BMP2K: variants seen among roughly 807,000 people sequenced by gnomAD.
BMP2K encodes BMP-2-inducible protein kinase.
A neutral mutation model predicts 116.0 loss-of-function variants in BMP2K; 74 were observed. The ratio of observed to expected loss-of-function variants is 0.64; its 90% CI spans 0.53 to 0.77. BMP2K has a LOEUF of 0.77. BMP2K is among the 30% of genes least tolerant of loss of function. The pLI, the probability that BMP2K is intolerant of heterozygous loss-of-function variation, is 0.00. For synonymous variants in BMP2K, 486 were observed against 502.5 expected (o/e 0.97, Z 0.44); for missense variants, 1,365 against 1,403.6 (o/e 0.97, Z 0.44).
At chr4:78,779,708 ATAT>A (rs777299888) in intron 1 of BMP2K, among the ~76,000 whole-genome samples, 1 of 152,236 alleles carries the variant, frequency 6.6e-6, no homozygotes, top group Non-Finnish European at 1.5e-5. Context: ...GTATATGCAC[ATAT>A]TATGTCTATA....
At chr4:78,869,028 T>C (rs1358021036) in intron 10 of BMP2K, among the ~76,000 whole-genome samples, 1 of 152,226 alleles carries the variant, frequency 6.6e-6, no homozygotes, top group Non-Finnish European at 1.5e-5. Context: ...GTAGAGACTC[T>C]TTGTGGGGAC....
At chr4:78,903,081 AT>A (rs1734096807) in intron 15 of BMP2K, among the ~76,000 whole-genome samples, 1 of 151,882 alleles carries the variant, frequency 6.6e-6, no homozygotes, top group African/African-American at 2.4e-5. Flanking sequence ...GATGTCTGAA[AT>A]TTTCCCACCA....
chr4:78,840,042 A>G (rs1053714642), intron 3 of BMP2K, among the ~76,000 whole-genome samples: 5 of 152,170 alleles, frequency 3.3e-5, no homozygotes, highest in African/African-American at 9.7e-5. Flanking sequence ...TAAAAAAGTC[A>G]TATTATCAAA....
chr4:78,873,141 T>C (rs1306173697), intron 13 of BMP2K, among the ~76,000 whole-genome samples: 1 of 152,228 alleles, frequency 6.6e-6, no homozygotes, highest in Admixed American at 6.5e-5. Flanking sequence ...CCTTGTAGAC[T>C]TTCTCTATTT....
chr4:78,899,251 G>A (rs1733873188), intron 15 of BMP2K: 2 of 152,162 alleles, frequency 1.3e-5, no homozygotes, highest in Non-Finnish European at 2.9e-5. Flanking sequence ...CCATATGGGA[G>A]GGAACAGGGG....
In BMP2K at chr4:78,887,278, C is replaced by A; in HGVS notation, c.2056C>A (p.His686Asn). The stretch of plus-strand genomic sequence containing the variant: ...TTTTGGTTCTGTTCCTTTCATTTCT[C>A]ATTCAGGCAAGTTACACATGTAACA... ...DPFGSVPFISHSGSPEKKAEH... is the reference protein window; with the variant it reads ...DPFGSVPFISNSGSPEKKAEH... Residue 686 changes from histidine to asparagine, a missense_variant, in exon 15 of 16, where the codon CAT (histidine) becomes AAT (asparagine). By Grantham distance (68) the His-to-Asn change is moderately conservative. Coordinates refer to ENST00000502613, the MANE Select transcript of BMP2K (RefSeq NM_198892.2). 3 of 1,601,744 alleles carry A rather than the reference C, an allele frequency of 1.9e-6. No individual in the cohort carries two copies. The highest frequency in any genetic ancestry group is 2.6e-6 in the Non-Finnish European group (3 of 1,172,246).
chr4:78,790,448 C>T (rs1727944133), intron 1 of BMP2K, among the ~76,000 whole-genome samples: 1 of 152,088 alleles, frequency 6.6e-6, no homozygotes, highest in Non-Finnish European at 1.5e-5. Context: ...CAATGTATAT[C>T]ACCTAAGAGC....
chr4:78,842,501 A>T lies in BMP2K; in HGVS notation c.520A>T (p.Thr174Ser), dbSNP rs1306102976. The change falls in exon 4 of 16, where the codon ACT (threonine) becomes TCT (serine). Residue 174 changes from threonine to serine, a missense_variant. Physicochemically the swap from Thr to Ser is moderately conservative, Grantham distance 58. Around this residue, in one of 3 missense-constraint regions of BMP2K, gnomAD observed 762 missense variants for 756.7 expected, o/e 1.01. Transcript: ENST00000502613. ...EAVARLHQCK[T>S]PIIHRDLKVE... Reference sequence around the variant, plus strand: ...TGTTGCAAGGTTGCATCAGTGTAAGACTCCAATAATTCACCGGGATCTGAA... The same window carrying T: ...TGTTGCAAGGTTGCATCAGTGTAAGTCTCCAATAATTCACCGGGATCTGAA... 1.3e-6 allele frequency: 2 copies of T among 1,590,344 alleles called. No individual in the cohort carries two copies. Among genetic ancestry groups the T allele is most frequent in the Admixed American group, 3.4e-5 (2 of 59,422 alleles).
intron 1 of BMP2K, among the ~76,000 whole-genome samples, chr4:78,813,262 C>T (rs77758224): frequency 0.03 from 4,540 of 152,236 alleles, 223 homozygotes; most frequent in African/African-American, 0.1. Context: ...TTTCATTTCT[C>T]ACTAATTCCC....
intron 5 of BMP2K, among the ~76,000 whole-genome samples, chr4:78,846,651 TAATG>T (rs1238096552): frequency 6.6e-6 from 1 of 151,632 alleles, no homozygotes; most frequent in Non-Finnish European, 1.5e-5. Flanking sequence ...GAAATATACT[TAATG>T]AGTGCAGTTA....
intron 3 of BMP2K, among the ~76,000 whole-genome samples, chr4:78,839,633 CT>C (rs1313452060): frequency 6.6e-6 from 1 of 152,030 alleles, no homozygotes; most frequent in African/African-American, 2.4e-5. Context: ...TAAAGGGGAG[CT>C]TTATATGTAT....
At chr4:78,860,533 G>A (rs1408177701) in intron 8 of BMP2K, among the ~76,000 whole-genome samples, 1 of 151,806 alleles carries the variant, frequency 6.6e-6, no homozygotes, top group Non-Finnish European at 1.5e-5. Context: ...GCAATAGTTA[G>A]TATTATTCAA....
chr4:78,807,021 C>T (rs944556410), intron 1 of BMP2K, among the ~76,000 whole-genome samples: 2 of 151,470 alleles, frequency 1.3e-5, no homozygotes, highest in African/African-American at 2.4e-5. Context: ...AGCTAATTTT[C>T]GTATTTTTTT....
rs891493088 is a variant in BMP2K at position 78,910,786 on chromosome 4, G to C, written c.2239G>C (p.Asp747His). The change falls in exon 16 of 16, where the codon GAT (aspartate) becomes CAT (histidine). Residue 747 changes from aspartate to histidine, a missense_variant. Physicochemically the swap from Asp to His is moderately conservative, Grantham distance 81 (BLOSUM62 -1). Coordinates refer to ENST00000502613, the MANE Select transcript of BMP2K (RefSeq NM_198892.2). Reference sequence around the variant, plus strand: ...TGAATCTGAAAGTGATTTTGAATCAGATCCCCCTTCTCCTAAGAGCAGTGA... The same window carrying C: ...TGAATCTGAAAGTGATTTTGAATCACATCCCCCTTCTCCTAAGAGCAGTGA... ...NDESESDFES[D>H]PPSPKSSEEE... 5 of 1,613,750 alleles carry C rather than the reference G, an allele frequency of 3.1e-6. No individual in the cohort carries two copies. The highest frequency in any genetic ancestry group is 3.4e-6 in the Non-Finnish European group (4 of 1,179,870).
At chr4:78,877,166 A>T (rs892625908) in intron 13 of BMP2K, among the ~76,000 whole-genome samples, 3 of 152,164 alleles carry the variant, frequency 2.0e-5, no homozygotes, top group Non-Finnish European at 4.4e-5. Context: ...ACATTACTGT[A>T]CACTATTATA....
intron 1 of BMP2K, among the ~76,000 whole-genome samples, chr4:78,799,708 C>G (rs1728474733): frequency 6.6e-6 from 1 of 152,124 alleles, no homozygotes; most frequent in Non-Finnish European, 1.5e-5. Context: ...CTGACTAAAT[C>G]TTGCTTACTC....
chr4:78,817,964 G>A (rs1231511888), intron 1 of BMP2K, among the ~76,000 whole-genome samples: 2 of 152,122 alleles, frequency 1.3e-5, no homozygotes, highest in African/African-American at 4.8e-5. Context: ...TGGTAATAGA[G>A]TGATGCTTAA....
chr4:78,894,114 T>C (rs921336270), intron 15 of BMP2K, among the ~76,000 whole-genome samples: 2 of 152,254 alleles, frequency 1.3e-5, no homozygotes, highest in Non-Finnish European at 2.9e-5. Flanking sequence ...GGCTTTGTTA[T>C]TTCATTTATA....
At chr4:78,854,547 A>G (rs1731409155) in intron 7 of BMP2K, among the ~76,000 whole-genome samples, 1 of 152,088 alleles carries the variant, frequency 6.6e-6, no homozygotes. Context: ...TGCTGGGACT[A>G]TAGGCATGAG....
Sources: gnomAD v4.1 joint callset for allele counts (sites outside exome capture counted in the v4.1 genomes callset) on GRCh38, gnomAD v4.1.1 for gene constraint, gnomAD v4.1.1 regional missense constraint, MANE v1.5 for transcripts, NCBI Gene and HGNC (gene_info 2026-07-23, HGNC 2026-07-21) for gene names.